SPTBN5: variants seen among roughly 807,000 people sequenced by gnomAD.
SPTBN5 encodes spectrin beta chain, non-erythrocytic 5.
Under a neutral mutation model 477.6 loss-of-function variants are expected in SPTBN5, and 513 were observed. That is an observed-to-expected ratio of 1.07 (90% CI 1.00 to 1.16). The LOEUF is 1.16. Among genes scored for constraint, SPTBN5 ranks in the 50% most tolerant of loss-of-function variants. The pLI is 0.00. For missense variants in SPTBN5, 5,062 were observed against 4,731.8 expected (o/e 1.07, Z -2.05); for synonymous variants, 2,169 against 2,011.7 (o/e 1.08, Z -2.09).
At chr15:41,872,042 C>T in intron 27 of SPTBN5, 125 bp from the exon 28 acceptor site, 1 of 1,292,648 alleles carries the variant, frequency 7.7e-7, no homozygotes, top group South Asian at 1.6e-5. Flanking sequence ...GCCTGCGGCT[C>T]ACGATTCAGG....
intron 62 of SPTBN5, 88 bp from the exon 63 acceptor site, chr15:41,851,938 T>G: frequency 9.0e-7 from 1 of 1,111,080 alleles, no homozygotes; most frequent in Non-Finnish European, 1.3e-6. Flanking sequence ...GCTCTCTTTA[T>G]TCCTCCCATC....
chr15:41,866,606 G>A, intron 36 of SPTBN5, 113 bp from the exon 37 acceptor site: 1 of 1,233,488 alleles, frequency 8.1e-7, no homozygotes, highest in Non-Finnish European at 1.1e-6. Context: ...GGGGCGGGCA[G>A]CACCTGGTAA....
At chr15:41,880,606 C>T (rs557131371) in intron 13 of SPTBN5, among the ~76,000 whole-genome samples, 40 of 152,282 alleles carry the variant, frequency 2.6e-4, no homozygotes, top group African/African-American at 9.6e-4. Flanking sequence ...AAGGTGAAAT[C>T]CACGCCGCTC....
At chr15:41,871,598 G>A in intron 28 of SPTBN5, 78 bp from the exon 29 acceptor site, 1 of 1,415,562 alleles carries the variant, frequency 7.1e-7, no homozygotes. Context: ...AGGCACCTCA[G>A]TGCCCAACTG....
chr15:41,868,065 C>A lies in SPTBN5; in HGVS notation c.6207+4G>T. The A allele has an allele frequency of 6.3e-7, 1 of 1,598,064 alleles. No individual in the cohort carries two copies. Among genetic ancestry groups the A allele is most frequent in the South Asian group, 1.1e-5 (1 of 89,454 alleles). On this transcript the variant is annotated splice_donor_region_variant and intron_variant, in intron 34 of 67. Transcript: ENST00000320955. The stretch of plus-strand genomic sequence containing the variant: ...GCGGAGTGTGAGGGCGGGAGGGGAC[C>A]TGCCTCCTGGGCCGCGAGGATCTCC...
rs767143223 is a variant in SPTBN5 at position 41,852,257 on chromosome 15, C to T, written c.10509G>A (p.Ser3503=). 52 of 1,609,108 alleles carry T rather than the reference C, an allele frequency of 3.2e-5. No homozygotes were observed. The highest frequency in any genetic ancestry group is 1.9e-4 in the African/African-American group (14 of 74,850). Residue 3503 remains serine (S), a synonymous_variant, in exon 62 of 68, where the codon TCG becomes TCA. Transcript: ENST00000320955. ...QELKPGRAGS[S]LTSFQWRPSG... is the part of the protein sequence containing the mutation. The stretch of plus-strand genomic sequence containing the variant: ...AGGGCCTCCACTGAAAGGATGTCAG[C>T]GAGCTGCCAGCTCTCCCGGGCTTCA...
intron 13 of SPTBN5, 61 bp from the exon 14 acceptor site, chr15:41,880,373 C>T (rs1004180120): frequency 3.0e-5 from 45 of 1,508,532 alleles, no homozygotes; most frequent in South Asian, 6.6e-5. Context: ...GCTCTCAGAG[C>T]GGGTCAAAGG....
chr15:41,870,900 G>A (rs935249637), intron 29 of SPTBN5, among the ~76,000 whole-genome samples: 2 of 152,358 alleles, frequency 1.3e-5, no homozygotes, highest in South Asian at 2.1e-4. Context: ...ACATCTCTCC[G>A]TTCCTCGCTA....
At chr15:41,893,828 G>C (rs1595523978) in intron 1 of SPTBN5, 71 bp downstream of exon 1, 2 of 418,226 alleles carry the variant, frequency 4.8e-6, no homozygotes, top group East Asian at 8.2e-5. Context: ...TGCTTACCTT[G>C]GTGATGCCTG....
At chr15:41,853,485 T>C in intron 58 of SPTBN5, 38 bp from the exon 59 acceptor site, 1 of 1,545,496 alleles carries the variant, frequency 6.5e-7, no homozygotes, top group Non-Finnish European at 8.8e-7. Flanking sequence ...CAGGGCTGGC[T>C]GGGGAGCAGG....
chr15:41,868,370 T>C (rs753255813), intron 33 of SPTBN5, 28 bp downstream of exon 33: 2 of 1,589,460 alleles, frequency 1.3e-6, no homozygotes, highest in Non-Finnish European at 8.6e-7. Flanking sequence ...AGCTAGGGTA[T>C]GTGGGGGCAC....
At chr15:41,854,007 G>A (rs1032983293) in intron 57 of SPTBN5, 43 bp downstream of exon 57, 4 of 1,524,524 alleles carry the variant, frequency 2.6e-6, no homozygotes, top group East Asian at 2.4e-5. Context: ...CACCGCCTTC[G>A]GGCAGGGGCT....
chr15:41,852,875 A>G lies in SPTBN5; in HGVS notation c.10296T>C (p.Ala3432=). ...CCTCCCAGCAGGCCAGCCAGGCCTC[A>G]GCCTGCTCCAGCCTCTGCCGAAGCT... The part of the protein sequence containing the change: ...LQKLRQRLEQ[A]EAWLACWEGL... The change falls in exon 60 of 68, where the codon GCT becomes GCC. Residue 3432 remains alanine (A), a synonymous_variant. Coordinates refer to ENST00000320955, the MANE Select transcript of SPTBN5 (RefSeq NM_016642.4). 6.2e-7 allele frequency: 1 copy of G among 1,607,894 alleles called. No individual in the cohort carries two copies.
intron 17 of SPTBN5, among the ~76,000 whole-genome samples, chr15:41,877,923 G>A (rs2066800049): frequency 6.6e-6 from 1 of 152,194 alleles, no homozygotes; most frequent in Non-Finnish European, 1.5e-5. Context: ...TGCAGGAGGA[G>A]AGGCGCCACC....
Position 41,856,440 on chromosome 15 carries a change from C to A in SPTBN5, c.8967G>T (p.Ala2989=). ...CCTGCTGCAGCAGAAGCCGCCTCCGCGCCGCCTCTGCCCGCAGGTGGGCCA... is the reference window on the plus strand; with the variant it reads ...CCTGCTGCAGCAGAAGCCGCCTCCGAGCCGCCTCTGCCCGCAGGTGGGCCA... ...KAMAHLRAEA[A]RRRLLLQQAQ... The change falls in exon 53 of 68, where the codon GCG becomes GCT. Residue 2989 remains alanine, a synonymous_variant. Transcript: ENST00000320955. The A allele has an allele frequency of 6.3e-7, 1 of 1,596,226 alleles. No homozygotes were observed. The highest frequency in any genetic ancestry group is 8.5e-7 in the Non-Finnish European group (1 of 1,171,768).
rs2065692612 is a variant in SPTBN5 at position 41,849,857 on chromosome 15, C to T, written c.11012+12G>A. 6.4e-7 allele frequency: 1 copy of T among 1,560,482 alleles called. No individual in the cohort carries two copies. The highest frequency in any genetic ancestry group is 8.7e-7 in the Non-Finnish European group (1 of 1,151,846). On this transcript the variant is annotated intron_variant, in intron 67 of 67. Transcript: ENST00000320955. ...GGCTCCCCGCCCTGCTTCCCCCACC[C>T]AGGTGTCCCACCTGAGTAGACATCC... is the stretch of plus-strand genomic sequence containing the variant.
In SPTBN5 at chr15:41,852,223, G is replaced by A; in HGVS notation, c.10543C>T (p.Gln3515Ter). 1.2e-6 allele frequency: 2 copies of A among 1,609,474 alleles called. No homozygotes were observed. The highest frequency in any genetic ancestry group is 1.7e-6 in the Non-Finnish European group (2 of 1,177,444). ...TSFQWRPSGH[Q>*]GLGAQLAETR... is the part of the protein sequence containing the mutation. ...TCAGCCAGCTGTGCTCCTAGCCCCT[G>A]GTGTCCAGAGGGCCTCCACTGAAAG... is the stretch of plus-strand genomic sequence containing the variant. The change falls in exon 62 of 68, where the codon CAG becomes TAG. Residue 3515 changes from glutamine (Q) to a stop codon, truncating the protein, a stop_gained. Coordinates refer to ENST00000320955, the MANE Select transcript of SPTBN5 (RefSeq NM_016642.4). LOFTEE classifies it high-confidence loss of function.
At position 41,873,552 on chromosome 15, in the gene SPTBN5, C is replaced by T. The variant is rs1430839749; in HGVS notation, c.4947G>A (p.Val1649=). 1.3e-6 allele frequency: 2 copies of T among 1,552,218 alleles called. No homozygotes were observed. The highest frequency in any genetic ancestry group is 1.4e-5 in the African/African-American group (1 of 73,172). Residue 1649 remains valine, a synonymous_variant, in exon 26 of 68, where the codon GTG becomes GTA. Transcript: ENST00000320955. ...CGTCTCTGCCATAGTCCCGACTGCTCACCAGCGGCCGCTTCTCCTCCACCC... is the reference window on the plus strand; with the variant it reads ...CGTCTCTGCCATAGTCCCGACTGCTTACCAGCGGCCGCTTCTCCTCCACCC... ...EGWVEEKRPL[V]SSRDYGRDEA...
intron 53 of SPTBN5, 127 bp downstream of exon 53, chr15:41,856,259 G>T: frequency 2.3e-6 from 2 of 859,790 alleles, no homozygotes. Flanking sequence ...GAAGCCCTTG[G>T]GGGCAGGAGA....
Sources: allele counts gnomAD v4.1 joint callset (sites outside exome capture counted in the v4.1 genomes callset), GRCh38; gene constraint gnomAD v4.1.1; transcripts MANE v1.5; gene names NCBI Gene and HGNC (gene_info 2026-07-23, HGNC 2026-07-21).